CNDP1: variants seen among roughly 807,000 people sequenced by gnomAD.
CNDP1 encodes beta-Ala-His dipeptidase.
Under a neutral mutation model 58.1 loss-of-function variants are expected in CNDP1, and 44 were observed. That is an observed-to-expected ratio of 0.76 (90% confidence interval 0.60 to 0.97). The LOEUF is 0.97. Among genes scored for constraint, CNDP1 ranks in the 50% least tolerant of loss-of-function variants. The pLI, the probability that CNDP1 is intolerant of heterozygous loss-of-function variation, is 0.00. For missense variants in CNDP1, 616 were observed against 655.1 expected, an observed-to-expected ratio of 0.94 and a Z score of 0.65; for synonymous variants, 254 against 252.6, an observed-to-expected ratio of 1.01 and a Z score of -0.05.
In CNDP1 at chr18:74,559,351, G is replaced by A. The variant is rs914547049; in HGVS notation, c.182G>A (p.Ser61Asn). 1 of 1,613,976 alleles carries A rather than the reference G, an allele frequency of 6.2e-7. No individual in the cohort carries two copies. The highest frequency in any genetic ancestry group is 1.3e-5 in the African/African-American group (1 of 74,918). The change falls in exon 3 of 12, where the codon AGC becomes AAC. Residue 61 changes from serine to asparagine, a missense_variant. Physicochemically the swap from Ser to Asn is conservative, Grantham distance 46. Coordinates refer to ENST00000358821, the MANE Select transcript of CNDP1 (RefSeq NM_032649.6). The stretch of plus-strand genomic sequence containing the variant: ...CTGAAGGAGTGGGTGGCCATCGAGA[G>A]CGACTCTGTCCAGCCTGTGCCTCGC... ...QTLKEWVAIE[S>N]DSVQPVPRFR...
chr18:74,560,010 C>CTTTTTT (rs398033526), intron 3 of CNDP1, among the ~76,000 whole-genome samples: 5,490 of 121,182 alleles, frequency 0.045, 372 homozygotes, highest in African/African-American at 0.084. Context: ...CATCTGCATT[C>CTTTTTT]TTTTTTTTTT....
At chr18:74,556,633 A>C (rs1446705341) in intron 2 of CNDP1, among the ~76,000 whole-genome samples, 167 bp downstream of exon 2, 1 of 152,180 alleles carries the variant, frequency 6.6e-6, no homozygotes, top group Non-Finnish European at 1.5e-5. Context: ...CATTAGACAG[A>C]TGGACGAGAT....
intron 10 of CNDP1, among the ~76,000 whole-genome samples, chr18:74,581,348 T>C (rs1981787628): frequency 6.6e-6 from 1 of 151,808 alleles, no homozygotes; most frequent in Non-Finnish European, 1.5e-5. Context: ...CTCCTGTGGG[T>C]TTGGGTGTTT....
At chr18:74,541,535 G>A (rs1445616490) in intron 1 of CNDP1, among the ~76,000 whole-genome samples, 2 of 152,220 alleles carry the variant, frequency 1.3e-5, no homozygotes, top group South Asian at 2.1e-4. Context: ...CCATCCTACT[G>A]ATCCCAGTGC....
At chr18:74,580,619 C>G (rs187511951) in intron 10 of CNDP1, among the ~76,000 whole-genome samples, 1 of 152,170 alleles carries the variant, frequency 6.6e-6, no homozygotes, top group Non-Finnish European at 1.5e-5. Flanking sequence ...TCAACCCCCT[C>G]CCCCTGAATA....
intron 1 of CNDP1, among the ~76,000 whole-genome samples, chr18:74,539,231 C>A (rs1980556917): frequency 6.8e-6 from 1 of 147,166 alleles, no homozygotes; most frequent in African/African-American, 2.5e-5. Flanking sequence ...GAGATCTACA[C>A]CTGTTTGTTC....
intron 10 of CNDP1, among the ~76,000 whole-genome samples, chr18:74,580,935 C>T (rs1230758618): frequency 6.6e-6 from 1 of 152,168 alleles, no homozygotes. Flanking sequence ...TGCCACTGCC[C>T]TCCAGCCTGG....
In CNDP1 at chr18:74,580,141, T is replaced by C. The variant is rs1981751995; in HGVS notation, c.1179T>C (p.His393=). 4 of 1,613,298 alleles carry C rather than the reference T, an allele frequency of 2.5e-6. No individual in the cohort carries two copies. In the East Asian group the frequency reaches 6.7e-5, roughly 27 times the overall value. ...ATGTCACCTTTTAGGTGACACGACA[T>C]CTTGAAGATGTGTTCTCCAAAAGAA... ...VSAVEKQVTR[H]LEDVFSKRNS... Residue 393 remains histidine, a synonymous_variant, in exon 10 of 12, where the codon CAT becomes CAC. Coordinates refer to ENST00000358821, the MANE Select transcript of CNDP1 (RefSeq NM_032649.6).
At chr18:74,550,907 G>A (rs1391994974) in intron 1 of CNDP1, among the ~76,000 whole-genome samples, 2 of 151,888 alleles carry the variant, frequency 1.3e-5, no homozygotes, top group Non-Finnish European at 2.9e-5. Flanking sequence ...GCCCATTATT[G>A]TATTTTGCAA....
At position 74,586,733 on chromosome 18, in the gene CNDP1, C is replaced by T. The variant is rs1981922873; in HGVS notation, c.*2171C>T. The T allele has an allele frequency of 6.6e-6, 1 of 152,184 alleles. No homozygotes were observed. Among genetic ancestry groups the T allele is most frequent in the South Asian group, 2.1e-4 (1 of 4,820 alleles). The allele number at this position is 152,184 out of a possible 1,614,324, so 9.4% of individuals were successfully genotyped here. On this transcript the variant is annotated 3_prime_UTR_variant, in exon 12 of 12. Coordinates refer to ENST00000358821, the MANE Select transcript of CNDP1 (RefSeq NM_032649.6). ...CCAGGGTCACGACTGGTCTCCCCAG[C>T]TCTTCCCTCCTGTTTTTCCACCCAA...
chr18:74,546,356 C>T (rs376539883), intron 1 of CNDP1, among the ~76,000 whole-genome samples: 1 of 152,184 alleles, frequency 6.6e-6, no homozygotes, highest in African/African-American at 2.4e-5. Context: ...TTCCCCACCG[C>T]CTACCCACGA....
intron 7 of CNDP1, among the ~76,000 whole-genome samples, chr18:74,574,570 C>A (rs756501844): frequency 6.6e-6 from 1 of 152,214 alleles, no homozygotes; most frequent in Non-Finnish European, 1.5e-5. Flanking sequence ...TTCAAAGGCA[C>A]CTTCTGCCTT....
intron 5 of CNDP1, among the ~76,000 whole-genome samples, chr18:74,565,557 A>C (rs998480689): frequency 1.3e-5 from 2 of 152,202 alleles, no homozygotes; most frequent in African/African-American, 4.8e-5. Context: ...GTGTCCATGC[A>C]AGTCTGAAAT....
intron 1 of CNDP1, among the ~76,000 whole-genome samples, chr18:74,547,880 G>A (rs1177471199): frequency 6.6e-6 from 1 of 152,128 alleles, no homozygotes; most frequent in Non-Finnish European, 1.5e-5. Context: ...TCAGCACAGG[G>A]GCACTTGGAA....
intron 10 of CNDP1, 35 bp downstream of exon 10, chr18:74,580,306 C>T (rs1324763380): frequency 2.5e-6 from 4 of 1,610,034 alleles, no homozygotes; most frequent in Non-Finnish European, 2.5e-6. Context: ...GGCCAATCTG[C>T]ACTGGGACTC....
At chr18:74,553,115 AT>A (rs1980951005) in intron 1 of CNDP1, among the ~76,000 whole-genome samples, 1 of 152,188 alleles carries the variant, frequency 6.6e-6, no homozygotes, top group South Asian at 2.1e-4. Flanking sequence ...TCCTTTGCAC[AT>A]TTTTAATTGG....
At chr18:74,574,026 C>T (rs372594210) in intron 7 of CNDP1, among the ~76,000 whole-genome samples, 8 of 152,200 alleles carry the variant, frequency 5.3e-5, no homozygotes, top group Non-Finnish European at 8.8e-5. Flanking sequence ...TTTTGCTTGC[C>T]GACAGGCTGG....
intron 1 of CNDP1, among the ~76,000 whole-genome samples, chr18:74,547,977 A>G (rs1980806015): frequency 6.6e-6 from 1 of 152,174 alleles, no homozygotes; most frequent in African/African-American, 2.4e-5. Context: ...TCAGGGTCCC[A>G]TAGCCAGTGG....
intron 5 of CNDP1, among the ~76,000 whole-genome samples, chr18:74,565,637 A>G (rs538820851): frequency 6.6e-6 from 1 of 152,238 alleles, no homozygotes; most frequent in African/African-American, 2.4e-5. Context: ...GGTTACACTG[A>G]TGCTAGAGGT....
Sources: gnomAD v4.1 joint callset for allele counts (sites outside exome capture counted in the v4.1 genomes callset) on GRCh38, gnomAD v4.1.1 for gene constraint, MANE v1.5 for transcripts, NCBI Gene and HGNC (gene_info 2026-07-23, HGNC 2026-07-21) for gene names.